IRF7: variants seen among roughly 807,000 people sequenced by gnomAD.
IRF7 encodes the protein interferon regulatory factor 7.
In IRF7, 67 loss-of-function variants were observed where a neutral mutation model predicts 51.3. That is an observed-to-expected ratio of 1.31 (90% CI 1.07 to 1.60). IRF7 has a LOEUF of 1.60. Ranked by LOEUF, IRF7 falls within the 40% of genes most tolerant of loss-of-function variation. The pLI is 0.00. For synonymous variants in IRF7, 427 were observed against 301.3 expected (o/e 1.42, Z -4.32); for missense variants, 873 against 701.5 (o/e 1.24, Z -2.76).
rs1856575154 is a variant in IRF7 at position 613,514 on chromosome 11, C to T, written c.929G>A (p.Cys310Tyr). ...GTCTGGGGGGCCGTATAGGAACGTG[C>T]AGCTCGGGTGTCCCACCACCTTCTG... is the stretch of plus-strand genomic sequence containing the variant. The part of the protein sequence containing the change: ...VLQKVVGHPS[C>Y]TFLYGPPDPA... Residue 310 changes from cysteine (C) to tyrosine (Y), a missense_variant, in exon 9 of 11, where the codon TGC becomes TAC. By Grantham distance (194) the Cys-to-Tyr change is radical. Transcript: ENST00000525445. 1.3e-6 allele frequency: 2 copies of T among 1,560,046 alleles called. No homozygotes were observed. Among genetic ancestry groups the T allele is most frequent in the Non-Finnish European group, 1.7e-6 (2 of 1,155,536 alleles).
Position 615,426 on chromosome 11 carries a change from C to T in IRF7, c.-62G>A. On this transcript the variant is annotated 5_prime_UTR_variant, in exon 2 of 11. Transcript: ENST00000525445. ...TGTTATAACAGGGGAGGTAAGGGCTCCTGTCGCAGCAGACGCCAGGCCGCG... is the reference window on the plus strand; with the variant it reads ...TGTTATAACAGGGGAGGTAAGGGCTTCTGTCGCAGCAGACGCCAGGCCGCG... 1 of 1,450,630 alleles carries T rather than the reference C, an allele frequency of 6.9e-7. No homozygotes were observed. 89.9% of individuals were successfully genotyped at this position (1,450,630 alleles called of 1,614,324 possible).
rs756874237 is a variant in IRF7, at chr11:612,603, G to T, written c.*42C>A. ...ACTGGGCGGCCGCGGCCAGCTCTAGGTGGGCTGCTCCAGCTTTCTGGAGTT... is the reference window on the plus strand; with the variant it reads ...ACTGGGCGGCCGCGGCCAGCTCTAGTTGGGCTGCTCCAGCTTTCTGGAGTT... On this transcript the variant is annotated 3_prime_UTR_variant, in exon 11 of 11. Transcript: ENST00000525445. 2 of 1,607,498 alleles carry T rather than the reference G, an allele frequency of 1.2e-6. No individual in the cohort carries two copies. Among genetic ancestry groups the T allele is most frequent in the Non-Finnish European group, 1.7e-6 (2 of 1,177,708 alleles).
rs368180035 is a variant in IRF7, at chr11:615,275, C to T, written c.21-16G>A. ...TGGGGCTGCCCTGCGGGTGCCCGGC[C>T]GCGGAGAGTCAGGGCCGGCTGCAGG... On this transcript the variant is annotated splice_polypyrimidine_tract_variant and intron_variant, in intron 2 of 10. Coordinates refer to ENST00000525445, the MANE Select transcript of IRF7 (RefSeq NM_001572.5). 5.4e-5 allele frequency: 85 copies of T among 1,579,696 alleles called. No homozygotes were observed. Among genetic ancestry groups the T allele is most frequent in the Non-Finnish European group, 6.6e-5 (77 of 1,167,424 alleles).
rs1190414746 is a variant in IRF7, at chr11:612,657, C to T, written c.1500G>A (p.Glu500=). Residue 500 remains glutamate (E), a synonymous_variant, in exon 11 of 11, where the codon GAG becomes GAA. Transcript: ENST00000525445. Reference sequence around the variant, plus strand: ...ATTAGACTGGGTTCTAGGCGGGCTGCTCCAGCTCCATAAGGAAGCACTCGA... The same window carrying T: ...ATTAGACTGGGTTCTAGGCGGGCTGTTCCAGCTCCATAAGGAAGCACTCGA... ...DDIECFLMEL[E]QPA 3 of 1,612,930 alleles carry T rather than the reference C, an allele frequency of 1.9e-6. No individual in the cohort carries two copies. Among genetic ancestry groups the T allele is most frequent in the Non-Finnish European group, 2.5e-6 (3 of 1,179,982 alleles).
chr11:615,442 C>T lies in IRF7; in HGVS notation c.-78G>A, dbSNP rs1252978069. On this transcript the variant is annotated 5_prime_UTR_variant, in exon 2 of 11. Transcript: ENST00000525445. ...GTAAGGGCTCCTGTCGCAGCAGACG[C>T]CAGGCCGCGGCCACAGGTCGTGTGG... 9.8e-6 allele frequency: 14 copies of T among 1,426,628 alleles called. No individual in the cohort carries two copies. The African/African-American group carries it at 2.0e-4, about 21-fold the overall frequency. 88.4% of individuals were successfully genotyped at this position (1,426,628 alleles called of 1,614,324 possible). A position where few individuals can be genotyped will look rare whatever the true frequency, so the allele number is the denominator to read the frequency against.
In IRF7 at chr11:613,593, G is replaced by C. The variant is rs750074456; in HGVS notation, c.850C>G (p.Pro284Ala). 6.5e-7 allele frequency: 1 copy of C among 1,548,176 alleles called. No homozygotes were observed. The highest frequency in any genetic ancestry group is 2.0e-5 in the Admixed American group (1 of 48,810). ...SPSACTAVQE[P>A]SPGALDVTIM... ...GTCACGTCCAGCGCCCCTGGGCTGG[G>C]CTCTGTGTGGAGACCAAGCTGTGAG... is the stretch of plus-strand genomic sequence containing the variant. Residue 284 changes from proline to alanine, a missense_variant and splice_region_variant, in exon 9 of 11, where the codon CCC becomes GCC. Physicochemically the swap from Pro to Ala is conservative, Grantham distance 27 (BLOSUM62 -1). Coordinates refer to ENST00000525445, the MANE Select transcript of IRF7 (RefSeq NM_001572.5).
rs962365942 is a variant in IRF7 at position 614,855 on chromosome 11, C to T, written c.336G>A (p.Ser112=). 2.5e-5 allele frequency: 40 copies of T among 1,569,596 alleles called. No individual in the cohort carries two copies. The highest frequency in any genetic ancestry group is 3.2e-5 in the Non-Finnish European group (37 of 1,158,892). ...TRRFVMLRDN[S]GDPADPHKVY... ...CCTTGTGCGGGTCGGCCGGGTCCCCCGAGTTATCCCGCAGCATCACGAAGC... is the reference window on the plus strand; with the variant it reads ...CCTTGTGCGGGTCGGCCGGGTCCCCTGAGTTATCCCGCAGCATCACGAAGC... Residue 112 remains serine, a synonymous_variant, in exon 4 of 11, where the codon TCG becomes TCA. Coordinates refer to ENST00000525445, the MANE Select transcript of IRF7 (RefSeq NM_001572.5).
In IRF7 at chr11:612,917, C is replaced by G. The variant is rs1414959594; in HGVS notation, c.1356+82G>C. 7 of 1,583,924 alleles carry G rather than the reference C, an allele frequency of 4.4e-6. No homozygotes were observed. The East Asian group carries it at 1.3e-4, about 30-fold the overall frequency. On this transcript the variant is annotated intron_variant, in intron 10 of 10. Transcript: ENST00000525445. ...GACCCGGTGTATGGCCTCCCCTCCC[C>G]CTCTCCGAGGCTCTGAGGGCATCAG...
Position 613,510 on chromosome 11 carries a change from C to CGT in IRF7, c.931_932dup (p.Phe312ArgfsTer19). ...CTGGGTCTGGGGGGCCGTATAGGAA[C>CGT]GTGCAGCTCGGGTGTCCCACCACCT... On this transcript the variant is annotated frameshift_variant, in exon 9 of 11. Coordinates refer to ENST00000525445, the MANE Select transcript of IRF7 (RefSeq NM_001572.5). LOFTEE classifies it high-confidence loss of function. 1 of 1,555,824 alleles carries CGT rather than the reference C, an allele frequency of 6.4e-7. No individual in the cohort carries two copies. The highest frequency in any genetic ancestry group is 1.2e-5 in the South Asian group (1 of 81,088).
chr11:612,599 C>T lies in IRF7; in HGVS notation c.*46G>A. On this transcript the variant is annotated 3_prime_UTR_variant, in exon 11 of 11. Coordinates refer to ENST00000525445, the MANE Select transcript of IRF7 (RefSeq NM_001572.5). ...TTAGACTGGGCGGCCGCGGCCAGCTCTAGGTGGGCTGCTCCAGCTTTCTGG... is the reference window on the plus strand; with the variant it reads ...TTAGACTGGGCGGCCGCGGCCAGCTTTAGGTGGGCTGCTCCAGCTTTCTGG... The T allele has an allele frequency of 6.2e-7, 1 of 1,606,816 alleles. No individual in the cohort carries two copies. Among genetic ancestry groups the T allele is most frequent in the Non-Finnish European group, 8.5e-7 (1 of 1,177,426 alleles).
Position 613,582 on chromosome 11 carries a change from C to T in IRF7, c.861G>A (p.Gly287=), listed in dbSNP as rs1025305584. The stretch of plus-strand genomic sequence containing the variant: ...TGTACATGATGGTCACGTCCAGCGC[C>T]CCTGGGCTGGGCTCTGTGTGGAGAC... ...ACTAVQEPSP[G]ALDVTIMYKG... is the part of the protein sequence containing the mutation. The change falls in exon 9 of 11, where the codon GGG becomes GGA. Residue 287 remains glycine, a synonymous_variant. Transcript: ENST00000525445. The T allele has an allele frequency of 6.4e-6, 10 of 1,566,278 alleles. No homozygotes were observed. Among genetic ancestry groups the T allele is most frequent in the Non-Finnish European group, 8.6e-6 (10 of 1,159,900 alleles).
Position 615,397 on chromosome 11 carries a change from C to T in IRF7, c.-33G>A, listed in dbSNP as rs1216996777. On this transcript the variant is annotated 5_prime_UTR_variant, in exon 2 of 11. Coordinates refer to ENST00000525445, the MANE Select transcript of IRF7 (RefSeq NM_001572.5). ...TCTGCAGGGGCAGTTAGGTGGCGGT[C>T]AGGTGTTATAACAGGGGAGGTAAGG... The T allele has an allele frequency of 2.7e-6, 4 of 1,482,544 alleles. No homozygotes were observed. Among genetic ancestry groups the T allele is most frequent in the African/African-American group, 2.8e-5 (2 of 71,214 alleles). 91.8% of individuals were successfully genotyped at this position (1,482,544 alleles called of 1,614,324 possible).
intron 4 of IRF7, 111 bp downstream of exon 4, chr11:614,686 C>T (rs1338689249): frequency 2.2e-6 from 3 of 1,392,530 alleles, no homozygotes; most frequent in African/African-American, 1.4e-5. Flanking sequence ...CCTGGGCCTG[C>T]TGGCAGCCTC....
chr11:615,081 G>C lies in IRF7; in HGVS notation c.183+16C>G. The C allele has an allele frequency of 6.4e-7, 1 of 1,571,284 alleles. No individual in the cohort carries two copies. Among genetic ancestry groups the C allele is most frequent in the Non-Finnish European group, 8.6e-7 (1 of 1,165,072 alleles). On this transcript the variant is annotated intron_variant, in intron 3 of 10. Coordinates refer to ENST00000525445, the MANE Select transcript of IRF7 (RefSeq NM_001572.5). ...GGGCTCTCCCACCCGGGGCGGGGCG[G>C]GGCTGGGGTCCCCACCTTGAAGATG... is the stretch of plus-strand genomic sequence containing the variant.
chr11:614,952 G>A lies in IRF7; in HGVS notation c.239C>T (p.Pro80Leu). 1.9e-6 allele frequency: 3 copies of A among 1,566,752 alleles called. No individual in the cohort carries two copies. The highest frequency in any genetic ancestry group is 8.6e-7 in the Non-Finnish European group (1 of 1,159,552). ...GCGCTCCGCAGTCTCAGCCTCGGGGGGCGGGCCACCTCCCCTGCTGCTAGG... is the reference window on the plus strand; with the variant it reads ...GCGCTCCGCAGTCTCAGCCTCGGGGAGCGGGCCACCTCCCCTGCTGCTAGG... ...WPPSSRGGGP[P>L]PEAETAERAG... The change falls in exon 4 of 11, where the codon CCC (proline) becomes CTC (leucine). Residue 80 changes from proline (P) to leucine (L), a missense_variant. Physicochemically the swap from Pro to Leu is moderately conservative, Grantham distance 98 (BLOSUM62 -3). Transcript: ENST00000525445.
chr11:615,488 C>A lies in IRF7; in HGVS notation c.-124G>T. On this transcript the variant is annotated 5_prime_UTR_variant, in exon 2 of 11. Transcript: ENST00000525445. ...TGTGGCCAGGTGTCACAGGTGTCCA[C>A]AGGTGTGGACTGAGGGCTTGTAGCC... 8.8e-7 allele frequency: 1 copy of A among 1,140,056 alleles called. No homozygotes were observed. Among genetic ancestry groups the A allele is most frequent in the Non-Finnish European group, 1.2e-6 (1 of 833,174 alleles). The allele number at this position is 1,140,056 out of a possible 1,614,324, so 70.6% of individuals were successfully genotyped here. A position where few individuals can be genotyped will look rare whatever the true frequency, so the allele number is the denominator to read the frequency against.
At position 613,240 on chromosome 11, in the gene IRF7, G is replaced by A. The variant is rs2133128923; in HGVS notation, c.1203C>T (p.Asp401=). 2 of 1,594,626 alleles carry A rather than the reference G, an allele frequency of 1.3e-6. No homozygotes were observed. The highest frequency in any genetic ancestry group is 1.7e-6 in the Non-Finnish European group (2 of 1,170,894). Residue 401 remains aspartate (D), a synonymous_variant, in exon 9 of 11, where the codon GAC becomes GAT. Coordinates refer to ENST00000525445, the MANE Select transcript of IRF7 (RefSeq NM_001572.5). The part of the protein sequence containing the change: ...TPACLLPRNC[D]TPIFDFRVFF... ...AGACTCTGAAGTCGAAGATGGGGGT[G>A]TCACAGTTCCGAGGCAGCAGGCAGG...
Position 615,115 on chromosome 11 carries a change from G to C in IRF7, c.165C>G (p.Ala55=), listed in dbSNP as rs749248656. Residue 55 remains alanine (A), a synonymous_variant, in exon 3 of 11, where the codon GCC becomes GCG. Transcript: ENST00000525445. ...TCCCCACCTTGAAGATGCGCGCGTCGGCCTCGCTCAGGTCCTTGCGCGCGA... is the reference window on the plus strand; with the variant it reads ...TCCCCACCTTGAAGATGCGCGCGTCCGCCTCGCTCAGGTCCTTGCGCGCGA... The part of the protein sequence containing the change: ...KHFARKDLSE[A]DARIFKAWAV... The C allele has an allele frequency of 2.5e-6, 4 of 1,595,802 alleles. No individual in the cohort carries two copies. Among genetic ancestry groups the C allele is most frequent in the African/African-American group, 1.3e-5 (1 of 74,788 alleles).
At chr11:615,049 C>A (rs753652989) in intron 3 of IRF7, 42 bp from the exon 4 acceptor site, 11 of 1,555,708 alleles carry the variant, frequency 7.1e-6, no homozygotes, top group Non-Finnish European at 7.8e-6. Context: ...CCCGCGGGGT[C>A]CTAGGCGGGC....
Sources: allele counts gnomAD v4.1 joint callset, GRCh38; gene constraint gnomAD v4.1.1; transcripts MANE v1.5; gene names NCBI Gene and HGNC (gene_info 2026-07-23, HGNC 2026-07-21).